WWOX: variants seen among roughly 807,000 people sequenced by gnomAD.
WWOX encodes WW domain-containing oxidoreductase.
A neutral mutation model predicts 46.2 loss-of-function variants in WWOX; 69 were observed. The ratio of observed to expected loss-of-function variants is 1.49; its 90% CI spans 1.23 to 1.82. WWOX has a LOEUF of 1.82. WWOX is among the 40% of genes most tolerant of loss of function. The pLI is 0.00. For synonymous variants in WWOX, 359 were observed against 202.6 expected, an observed-to-expected ratio of 1.77 and a Z score of -6.56; for missense variants, 919 against 542.6, an observed-to-expected ratio of 1.69 and a Z score of -6.89.
chr16:78,286,891 T>TA (rs528346815), intron 5 of WWOX, among the ~76,000 whole-genome samples: 1 of 152,316 alleles, frequency 6.6e-6, no homozygotes, highest in South Asian at 2.1e-4. Context: ...TCCTTTATTT[T>TA]AAAAAAATGT....
intron 7 of WWOX, among the ~76,000 whole-genome samples, chr16:78,431,916 A>G (rs572827512): frequency 2.6e-5 from 4 of 151,924 alleles, no homozygotes; most frequent in East Asian, 1.9e-4. Context: ...GTGTCTCCCT[A>G]TGTTGCCTAA....
intron 5 of WWOX, among the ~76,000 whole-genome samples, chr16:78,322,553 T>C (rs940777736): frequency 6.6e-6 from 1 of 152,204 alleles, no homozygotes; most frequent in Admixed American, 6.5e-5. Flanking sequence ...AACTTGCCCC[T>C]AGCATCGTAC....
chr16:79,203,385 C>A (rs780924881), intron 8 of WWOX: 1 of 152,158 alleles, frequency 6.6e-6, no homozygotes, highest in Non-Finnish European at 1.5e-5. Context: ...ACATTGGGGG[C>A]CTACCTGTGA....
At chr16:78,747,211 G>A (rs2049369147) in intron 8 of WWOX, among the ~76,000 whole-genome samples, 1 of 137,160 alleles carries the variant, frequency 7.3e-6, no homozygotes, top group South Asian at 2.3e-4. Context: ...TTTTTTTTGA[G>A]ATGGAGTCTC....
At chr16:79,063,881 T>C (rs1215891219) in intron 8 of WWOX, among the ~76,000 whole-genome samples, 2 of 152,176 alleles carry the variant, frequency 1.3e-5, no homozygotes, top group African/African-American at 4.8e-5. Flanking sequence ...AATTTTAAAG[T>C]AGGAATTGTC....
intron 5 of WWOX, among the ~76,000 whole-genome samples, chr16:78,280,344 T>C (rs1324516578): frequency 6.6e-6 from 1 of 152,198 alleles, no homozygotes; most frequent in Non-Finnish European, 1.5e-5. Flanking sequence ...ATTAACATAT[T>C]AACAGTTTGT....
intron 8 of WWOX, among the ~76,000 whole-genome samples, chr16:79,013,889 T>G (rs991227406): frequency 1.3e-5 from 2 of 152,174 alleles, no homozygotes; most frequent in Non-Finnish European, 2.9e-5. Flanking sequence ...TCACATATTT[T>G]TCATTTGGTT....
At chr16:78,844,763 T>G (rs2052253733) in intron 8 of WWOX, among the ~76,000 whole-genome samples, 2 of 152,192 alleles carry the variant, frequency 1.3e-5, no homozygotes, top group African/African-American at 2.4e-5. Flanking sequence ...CCATCCTCCT[T>G]TTTTAGTCTT....
chr16:78,351,805 T>C (rs6564531), intron 5 of WWOX, among the ~76,000 whole-genome samples: 107,185 of 152,020 alleles, frequency 0.71, 38,638 homozygotes, highest in African/African-American at 0.76. Flanking sequence ...TACAGACGTG[T>C]ATCACCAGGC....
At chr16:78,548,638 T>C (rs1057091606) in intron 8 of WWOX, among the ~76,000 whole-genome samples, 1 of 152,226 alleles carries the variant, frequency 6.6e-6, no homozygotes, top group Non-Finnish European at 1.5e-5. Flanking sequence ...ATTTTGCCTT[T>C]CATGCAGTAT....
rs532186353 is a variant in WWOX, at chr16:78,579,579, C to G, written c.1056+146827C>G. 2.0e-5 allele frequency among the ~76,000 whole-genome samples: 3 copies of G among 152,124 alleles called. No homozygotes were observed. In the South Asian group the frequency reaches 6.2e-4, roughly 32 times the overall value. On this transcript the variant is annotated intron_variant, in intron 8 of 8. Coordinates refer to ENST00000566780, the MANE Select transcript of WWOX (RefSeq NM_016373.4). ...CGCCAGAGACTGCGGAAGTGGCTTT[C>G]TAATTAAGAAACAGAAGCCAGGAAA... is the stretch of plus-strand genomic sequence containing the variant.
chr16:78,785,273 C>G (rs1316568054), intron 8 of WWOX, among the ~76,000 whole-genome samples: 1 of 152,196 alleles, frequency 6.6e-6, no homozygotes, highest in East Asian at 1.9e-4. Flanking sequence ...TGGGCAGGTG[C>G]AACCTTTGGC....
chr16:78,753,073 T>A (rs1398888454), intron 8 of WWOX, among the ~76,000 whole-genome samples: 1 of 152,118 alleles, frequency 6.6e-6, no homozygotes, highest in East Asian at 1.9e-4. Context: ...GGCGGGTGGA[T>A]CACCTGAGGT....
At chr16:79,135,862 T>C (rs2150705714) in intron 8 of WWOX, among the ~76,000 whole-genome samples, 1 of 152,330 alleles carries the variant, frequency 6.6e-6, no homozygotes, top group Non-Finnish European at 1.5e-5. Context: ...ATTTCTTCTT[T>C]TCTGAACTGC....
intron 5 of WWOX, among the ~76,000 whole-genome samples, chr16:78,244,377 A>T (rs1445630100): frequency 9.3e-6 from 1 of 107,762 alleles, no homozygotes; most frequent in South Asian, 2.9e-4. Flanking sequence ...CCTCCTTGCA[A>T]TCTGTATGAC....
At chr16:78,792,336 C>T (rs575599539) in intron 8 of WWOX, among the ~76,000 whole-genome samples, 1 of 152,090 alleles carries the variant, frequency 6.6e-6, no homozygotes, top group Non-Finnish European at 1.5e-5. Flanking sequence ...CCTCTACTTC[C>T]CACATGTATC....
intron 8 of WWOX, among the ~76,000 whole-genome samples, chr16:78,745,736 CCTT>C (rs2049333165): frequency 6.6e-6 from 1 of 151,562 alleles, no homozygotes; most frequent in South Asian, 2.1e-4. Context: ...TTTTCCTCCT[CCTT>C]CTCCTCCTCC....
At chr16:79,154,604 T>C (rs560532493) in intron 8 of WWOX, among the ~76,000 whole-genome samples, 87 of 152,262 alleles carry the variant, frequency 5.7e-4, no homozygotes, top group Middle Eastern at 3.4e-3. Context: ...TTTCTTCACT[T>C]GGAAAAACTA....
intron 8 of WWOX, among the ~76,000 whole-genome samples, chr16:78,624,850 C>T (rs544019366): frequency 1.3e-4 from 20 of 152,178 alleles, no homozygotes; most frequent in Admixed American, 6.5e-4. Flanking sequence ...GAGCAGATAT[C>T]GTATGAACAT....
Sources: gnomAD v4.1 joint callset for allele counts (sites outside exome capture counted in the v4.1 genomes callset) on GRCh38, gnomAD v4.1.1 for gene constraint, MANE v1.5 for transcripts, NCBI Gene and HGNC (gene_info 2026-07-23, HGNC 2026-07-21) for gene names.